USP30: variants seen among roughly 807,000 people sequenced by gnomAD.
The protein encoded by USP30 is ubiquitin carboxyl-terminal hydrolase 30.
In USP30, 41 loss-of-function variants were observed where a neutral mutation model predicts 68.2. The observed-to-expected ratio is 0.60, with a 90% confidence interval of 0.47 to 0.78. The LOEUF (loss-of-function observed/expected upper bound fraction) is 0.78, where lower values mean the gene tolerates loss of function less well. Ranked by LOEUF, USP30 falls within the 30% of genes least tolerant of loss-of-function variation. USP30 has a pLI of 0.00. For synonymous variants in USP30, 229 were observed against 253.7 expected, an observed-to-expected ratio of 0.90 and a Z score of 0.93; for missense variants, 522 against 649.4, an observed-to-expected ratio of 0.80 and a Z score of 2.13.
upstream of USP30, among the ~76,000 whole-genome samples, chr12:109,051,575 T>G (rs1442534485): frequency 2.9e-5 from 4 of 138,012 alleles, no homozygotes; most frequent in Non-Finnish European, 6.3e-5. Flanking sequence ...CTGACCTCTT[T>G]TTTTTTTTTT....
intron 3 of USP30, among the ~76,000 whole-genome samples, chr12:109,028,402 T>A (rs746810388): frequency 3.3e-5 from 5 of 151,962 alleles, no homozygotes; most frequent in Non-Finnish European, 7.4e-5. Context: ...CTTAGAGTCA[T>A]GATGGAAGGT....
intron 8 of USP30, 123 bp downstream of exon 8, chr12:109,081,516 C>G (rs1476460303): frequency 1.1e-6 from 1 of 947,280 alleles, no homozygotes; most frequent in East Asian, 2.4e-5. Context: ...TGGTTGAACC[C>G]TCTCTTAACT....
At chr12:109,059,651 T>C (rs1418116438) in intron 3 of USP30, among the ~76,000 whole-genome samples, 1 of 152,118 alleles carries the variant, frequency 6.6e-6, no homozygotes, top group Non-Finnish European at 1.5e-5. Context: ...GTATCTGGGA[T>C]TACAGCTGCA....
intron 3 of USP30, among the ~76,000 whole-genome samples, chr12:109,027,726 A>G (rs149671278): frequency 1.4e-4 from 21 of 152,346 alleles, no homozygotes; most frequent in Admixed American, 3.3e-4. Context: ...TCAGAACCTC[A>G]TTCTTTTATA....
intron 3 of USP30, among the ~76,000 whole-genome samples, chr12:109,064,938 C>A (rs976738790): frequency 2.0e-5 from 3 of 152,252 alleles, no homozygotes; most frequent in Admixed American, 6.5e-5. Flanking sequence ...ATTTCCCAAC[C>A]CTGCTCCCTT....
chr12:109,032,658 G>T (rs954203026), intron 3 of USP30, among the ~76,000 whole-genome samples: 1 of 152,206 alleles, frequency 6.6e-6, no homozygotes, highest in Non-Finnish European at 1.5e-5. Flanking sequence ...GTTGTGGAGG[G>T]GGAAATGGAG....
At chr12:109,049,254 A>G (rs141490059), upstream of USP30, among the ~76,000 whole-genome samples, 500 of 152,320 alleles carry the variant, frequency 3.3e-3, no homozygotes, top group African/African-American at 0.012. Context: ...CTTTTGATTT[A>G]AAGTGAGAGA....
intron 1 of USP30, chr12:109,054,117 C>T: frequency 2.2e-6 from 1 of 454,694 alleles, no homozygotes; most frequent in Non-Finnish European, 4.4e-6. Flanking sequence ...TTTTAAAGCA[C>T]TGGTAAAGCA....
intron 2 of USP30, among the ~76,000 whole-genome samples, chr12:109,057,123 G>C (rs1213892061): frequency 2.6e-5 from 4 of 151,978 alleles, no homozygotes; most frequent in African/African-American, 9.7e-5. Context: ...TCATACATTT[G>C]TGTTCTCTCA....
chr12:109,048,762 G>C (rs1417509185), upstream of USP30, among the ~76,000 whole-genome samples: 1 of 145,694 alleles, frequency 6.9e-6, no homozygotes, highest in African/African-American at 2.5e-5. Context: ...AACAAAAAAA[G>C]AAAGAAAAAG....
chr12:109,064,061 A>G (rs1363248555), intron 3 of USP30, among the ~76,000 whole-genome samples: 4 of 151,752 alleles, frequency 2.6e-5, no homozygotes, highest in African/African-American at 4.8e-5. Context: ...TTTAGTAGAG[A>G]CAGGGTTTCA....
chr12:109,076,141 C>T (rs1593283752), intron 7 of USP30, among the ~76,000 whole-genome samples: 3 of 152,120 alleles, frequency 2.0e-5, no homozygotes, highest in Admixed American at 2.0e-4. Flanking sequence ...GTTGACTATT[C>T]ATCTCTTTTT....
intron 2 of USP30, among the ~76,000 whole-genome samples, chr12:109,026,621 C>A (rs968280792): frequency 6.6e-6 from 1 of 151,054 alleles, no homozygotes; most frequent in African/African-American, 2.4e-5. Flanking sequence ...GTGCGCACCA[C>A]CATGCCCACC....
At chr12:109,057,592 T>G (rs2040916758) in intron 2 of USP30, among the ~76,000 whole-genome samples, 1 of 152,154 alleles carries the variant, frequency 6.6e-6, no homozygotes, top group Non-Finnish European at 1.5e-5. Context: ...AAAGAGAGCA[T>G]GTAGGGGAGA....
intron 1 of USP30, among the ~76,000 whole-genome samples, chr12:109,054,528 T>G (rs202236276): frequency 2.0e-5 from 1 of 49,886 alleles, no homozygotes; most frequent in African/African-American, 6.4e-5. Flanking sequence ...AGACACTGTC[T>G]CAAAAAAAAA....
In USP30 at chr12:109,027,062, T is replaced by C. The variant is rs150885378; in HGVS notation, c.-227-403T>C. ...ATTATGGGGTTAGGGCTTCAACATA[T>C]ACATTTGGGGTGGACACAAACATTC... On this transcript the variant is annotated intron_variant, in intron 2 of 15. Coordinates refer to the USP30 transcript ENST00000392784. Among the ~76,000 whole-genome samples the C allele has an allele frequency of 2.4e-3, 360 of 152,284 alleles. 1 individual carries two copies. The highest frequency in any genetic ancestry group is 7.6e-3 in the African/African-American group (316 of 41,556).
At chr12:109,043,219 T>G (rs940806006) in intron 3 of USP30, among the ~76,000 whole-genome samples, 1 of 152,202 alleles carries the variant, frequency 6.6e-6, no homozygotes, top group Non-Finnish European at 1.5e-5. Context: ...TCCCGTTTAC[T>G]TTTTGAAGAA....
At chr12:109,072,484 C>G in intron 6 of USP30, 134 bp downstream of exon 6, 1 of 825,834 alleles carries the variant, frequency 1.2e-6, no homozygotes, top group Non-Finnish European at 1.9e-6. Flanking sequence ...TGCAAAGGAA[C>G]TTGTATTTTG....
At chr12:109,053,468 T>A (rs1412338872) in intron 1 of USP30, among the ~76,000 whole-genome samples, 1 of 152,050 alleles carries the variant, frequency 6.6e-6, no homozygotes, top group Non-Finnish European at 1.5e-5. Context: ...GGGCCCCCAT[T>A]TCCCTCTTAT....
Sources: allele counts gnomAD v4.1 joint callset (sites outside exome capture counted in the v4.1 genomes callset), GRCh38; gene constraint gnomAD v4.1.1; transcripts MANE v1.5; gene names NCBI Gene and HGNC (gene_info 2026-07-23, HGNC 2026-07-21).